Variants in SIPA1L3 observed in about 807,000 individuals in gnomAD.
The protein encoded by SIPA1L3 is signal-induced proliferation-associated 1-like protein 3.
A neutral mutation model predicts 150.1 loss-of-function variants in SIPA1L3; 59 were observed. The observed-to-expected ratio is 0.39, with a 90% CI of 0.32 to 0.49. The LOEUF is 0.49. SIPA1L3 is among the 20% of genes least tolerant of loss of function. The pLI is 0.86. For missense variants in SIPA1L3, 2,211 were observed against 2,489.5 expected (o/e 0.89, Z 2.38); for synonymous variants, 1,070 against 1,077.6 (o/e 0.99, Z 0.14).
At chr19:37,932,517 TC>T (rs1249716417) in intron 1 of SIPA1L3, 1 of 152,202 alleles carries the variant, frequency 6.6e-6, no homozygotes, top group African/African-American at 2.4e-5. Context: ...GGTTCCCGTT[TC>T]CGCATTCCAG....
chr19:37,990,225 C>T (rs1262755027), intron 1 of SIPA1L3, among the ~76,000 whole-genome samples: 2 of 152,124 alleles, frequency 1.3e-5, no homozygotes, highest in African/African-American at 4.8e-5. Context: ...ACTGGGTGGA[C>T]CAGATCACCA....
chr19:38,065,113 A>C (rs1355979532), intron 2 of SIPA1L3, among the ~76,000 whole-genome samples: 1 of 152,254 alleles, frequency 6.6e-6, no homozygotes, highest in East Asian at 1.9e-4. Flanking sequence ...TAGCAAAATT[A>C]AAATTAGACA....
chr19:37,990,006 C>G (rs1199494281), intron 1 of SIPA1L3, among the ~76,000 whole-genome samples: 2 of 152,096 alleles, frequency 1.3e-5, no homozygotes, highest in Non-Finnish European at 2.9e-5. Flanking sequence ...TAGACCCCCC[C>G]ACCTGACCTT....
intron 2 of SIPA1L3, among the ~76,000 whole-genome samples, chr19:38,059,862 C>T (rs951055425): frequency 2.6e-5 from 4 of 152,066 alleles, no homozygotes; most frequent in South Asian, 2.1e-4. Flanking sequence ...CTGCAGCCTC[C>T]GCCTCCAGGT....
rs544108776 is a variant in SIPA1L3, at chr19:38,102,680, A to G, written c.2029+1454A>G. Among the ~76,000 whole-genome samples, 3 of 152,162 alleles carry G rather than the reference A, an allele frequency of 2.0e-5. No homozygotes were observed. The East Asian group carries it at 5.8e-4, about 29-fold the overall frequency. ...CTTACACAGTGGAACTCTAAAGAAA[A>G]ACAGAGCCAAGCGTGGTGGCTCATG... On this transcript the variant is annotated intron_variant, in intron 6 of 21. Transcript: ENST00000222345.
chr19:38,022,136 G>GC (rs1258411089), intron 1 of SIPA1L3, among the ~76,000 whole-genome samples: 1 of 152,196 alleles, frequency 6.6e-6, no homozygotes, highest in African/African-American at 2.4e-5. Context: ...TCCTGGCTGT[G>GC]CCGTCTACTT....
intron 10 of SIPA1L3, among the ~76,000 whole-genome samples, chr19:38,136,656 G>A (rs574131312): frequency 6.6e-6 from 1 of 152,276 alleles, no homozygotes; most frequent in Non-Finnish European, 1.5e-5. Context: ...AAATGTTATT[G>A]TGTATCAGCA....
At chr19:37,941,124 T>A (rs976494197) in intron 1 of SIPA1L3, among the ~76,000 whole-genome samples, 55 of 107,114 alleles carry the variant, frequency 5.1e-4, no homozygotes, top group East Asian at 3.0e-3. Context: ...ACACACACAC[T>A]GTTTCTTTTT....
chr19:37,929,539 T>G (rs1188327832), intron 1 of SIPA1L3, among the ~76,000 whole-genome samples: 1 of 152,168 alleles, frequency 6.6e-6, no homozygotes, highest in Non-Finnish European at 1.5e-5. Flanking sequence ...TGTCTGGCAA[T>G]TCAGGGAAAC....
chr19:38,203,353 TG>T (rs1353770055), intron 20 of SIPA1L3, among the ~76,000 whole-genome samples: 1 of 152,124 alleles, frequency 6.6e-6, no homozygotes, highest in Non-Finnish European at 1.5e-5. Context: ...TAGGAAAGGG[TG>T]GGCGAGGCAG....
intron 15 of SIPA1L3, among the ~76,000 whole-genome samples, chr19:38,166,523 C>T (rs1568587848): frequency 6.6e-6 from 1 of 151,926 alleles, no homozygotes; most frequent in Non-Finnish European, 1.5e-5. Context: ...GTCCCGACCA[C>T]ACACACTGAC....
intron 2 of SIPA1L3, among the ~76,000 whole-genome samples, chr19:38,072,119 T>C (rs1309644961): frequency 6.6e-6 from 1 of 152,208 alleles, no homozygotes; most frequent in Non-Finnish European, 1.5e-5. Flanking sequence ...ACTGTCTGAC[T>C]TGAGGTAAGA....
chr19:38,197,617 A>G (rs988457023), intron 18 of SIPA1L3, among the ~76,000 whole-genome samples: 5 of 151,604 alleles, frequency 3.3e-5, no homozygotes, highest in Non-Finnish European at 5.9e-5. Flanking sequence ...GTCCAGGGCC[A>G]TCTCCACCGA....
intron 1 of SIPA1L3, among the ~76,000 whole-genome samples, chr19:37,987,279 G>C (rs368384223): frequency 6.6e-6 from 1 of 152,030 alleles, no homozygotes; most frequent in Non-Finnish European, 1.5e-5. Context: ...GCTGTTTCCC[G>C]GACCTTAGGT....
rs1568518970 is a variant in SIPA1L3 at position 38,046,885 on chromosome 19, C to T, written c.-311+17729C>T. Among the ~76,000 whole-genome samples, 4 of 152,188 alleles carry T rather than the reference C, an allele frequency of 2.6e-5. 1 individual carries two copies. The highest frequency in any genetic ancestry group is 4.1e-4 in the South Asian group (2 of 4,834). ...TCTCTTTGAGAGCACTTGGGTGTAT[C>T]GTGTCTCAGAAAACCCACATGGCTT... On this transcript the variant is annotated intron_variant, in intron 2 of 21. Transcript: ENST00000222345. The surrounding 1 kb of genome is among the most constrained non-coding windows in gnomAD (Gnocchi z 5.6).
chr19:38,009,844 G>A (rs998175657), intron 1 of SIPA1L3, among the ~76,000 whole-genome samples: 2 of 152,148 alleles, frequency 1.3e-5, no homozygotes, highest in African/African-American at 4.8e-5. Context: ...TTCTATGACG[G>A]CGTGATATGG....
Position 38,081,931 on chromosome 19 carries a change from C to A in SIPA1L3, c.366C>A (p.Asn122Lys). ...KMAHSMRSIQ[N>K]GQPPTSTPAS... is the part of the protein sequence containing the mutation. ...CCCATTCCATGAGGAGCATACAGAA[C>A]GGACAGCCCCCCACCAGCACCCCGG... The change falls in exon 3 of 22, where the codon AAC (asparagine) becomes AAA (lysine). Residue 122 changes from asparagine (N) to lysine (K), a missense_variant. Coordinates refer to ENST00000222345, the MANE Select transcript of SIPA1L3 (RefSeq NM_015073.3). 1 of 1,614,180 alleles carries A rather than the reference C, an allele frequency of 6.2e-7. No homozygotes were observed. Among genetic ancestry groups the A allele is most frequent in the Non-Finnish European group, 8.5e-7 (1 of 1,180,000 alleles).
intron 1 of SIPA1L3, among the ~76,000 whole-genome samples, chr19:38,016,886 C>CTTT (rs58459050): frequency 1.2e-4 from 8 of 69,138 alleles, no homozygotes; most frequent in Non-Finnish European, 2.0e-4. Flanking sequence ...CCTCCTCTGG[C>CTTT]TTTTTTTTTT....
At chr19:37,945,500 G>A (rs1393434412) in intron 1 of SIPA1L3, among the ~76,000 whole-genome samples, 1 of 152,080 alleles carries the variant, frequency 6.6e-6, no homozygotes, top group East Asian at 1.9e-4. Flanking sequence ...GCCTTCCAAA[G>A]TGCTAGAATT....
Sources: gnomAD v4.1 joint callset for allele counts (sites outside exome capture counted in the v4.1 genomes callset) on GRCh38, gnomAD v4.1.1 for gene constraint, Gnocchi (gnomAD v3.1) non-coding constraint, MANE v1.5 for transcripts, NCBI Gene and HGNC (gene_info 2026-07-23, HGNC 2026-07-21) for gene names.